KRT23: variants seen among roughly 807,000 people sequenced by gnomAD.
KRT23 encodes keratin, type I cytoskeletal 23.
In KRT23, 38 loss-of-function variants were observed where a neutral mutation model predicts 47.6. That is an observed-to-expected ratio of 0.80 (90% CI 0.62 to 1.05). The LOEUF is 1.05. Ranked by LOEUF, KRT23 falls within the 50% of genes least tolerant of loss-of-function variation. The pLI, the probability that KRT23 is intolerant of heterozygous loss-of-function variation, is 0.00. For synonymous variants in KRT23, 191 were observed against 199.0 expected, an observed-to-expected ratio of 0.96 and a Z score of 0.34; for missense variants, 503 against 529.5, an observed-to-expected ratio of 0.95 and a Z score of 0.49.
rs201362244 is a variant in KRT23, at chr17:40,924,498, C to T, written c.1148G>A (p.Arg383Gln). The change falls in exon 8 of 9, where the codon CGG becomes CAG. Residue 383 changes from arginine to glutamine, a missense_variant. By Grantham distance (43) the Arg-to-Gln change is conservative. Transcript: ENST00000209718. ...TTTCATGCTCGACTTTGATTCTTCC[C>T]GTGTCCTATAAAAGTGATAAAGGTT... ...RLLEGESEGT[R>Q]EESKSSMKVS... 1.6e-5 allele frequency: 25 copies of T among 1,612,908 alleles called. No individual in the cohort carries two copies. Among genetic ancestry groups the T allele is most frequent in the Admixed American group, 8.3e-5 (5 of 59,982 alleles).
chr17:40,928,104 TA>T (rs1351085725), intron 6 of KRT23, 133 bp downstream of exon 6: 15 of 1,137,840 alleles, frequency 1.3e-5, no homozygotes, highest in Non-Finnish European at 1.8e-5. Flanking sequence ...GTTCTCATCA[TA>T]AACAATTTGG....
rs772132633 is a variant in KRT23 at position 40,936,214 on chromosome 17, C to T, written c.390G>A (p.Gln130=). 6.2e-7 allele frequency: 1 copy of T among 1,614,126 alleles called. No individual in the cohort carries two copies. The highest frequency in any genetic ancestry group is 2.2e-5 in the East Asian group (1 of 44,874). The change falls in exon 2 of 9, where the codon CAG becomes CAA. Residue 130 remains glutamine (Q), a synonymous_variant. Coordinates refer to ENST00000209718, the MANE Select transcript of KRT23 (RefSeq NM_015515.5). Reference sequence around the variant, plus strand: ...GGGTCACCCAGCATCTTACCTGCTCCTGCAGGTGTGTGATGTTTTCCTCAT... The same window carrying T: ...GGGTCACCCAGCATCTTACCTGCTCTTGCAGGTGTGTGATGTTTTCCTCAT... ...SQYEENITHL[Q]EQIVDGKMTN... is the part of the protein sequence containing the mutation.
At position 40,922,985 on chromosome 17, in the gene KRT23, G is replaced by T; in HGVS notation, c.*4C>A. The T allele has an allele frequency of 6.2e-7, 1 of 1,606,940 alleles. No individual in the cohort carries two copies. The highest frequency in any genetic ancestry group is 8.5e-7 in the Non-Finnish European group (1 of 1,173,566). On this transcript the variant is annotated 3_prime_UTR_variant, in exon 9 of 9. Coordinates refer to ENST00000209718, the MANE Select transcript of KRT23 (RefSeq NM_015515.5). ...TTTACAACAGGCGGAAACTTTCATT[G>T]GTCTCATGCGTGCTTTTGGATTTCA...
intron 2 of KRT23, among the ~76,000 whole-genome samples, chr17:40,932,972 G>A (rs71371458): frequency 0.015 from 2,224 of 152,234 alleles, 55 homozygotes; most frequent in African/African-American, 0.051. Flanking sequence ...AATAACAATA[G>A]TTACTTCATC....
In KRT23 at chr17:40,922,961, T is replaced by C; in HGVS notation, c.*28A>G. On this transcript the variant is annotated 3_prime_UTR_variant, in exon 9 of 9. Coordinates refer to ENST00000209718, the MANE Select transcript of KRT23 (RefSeq NM_015515.5). ...GACTTTCCTTGGGGGAAAATAGATT[T>C]TACAACAGGCGGAAACTTTCATTGG... 1 of 1,549,236 alleles carries C rather than the reference T, an allele frequency of 6.5e-7. No individual in the cohort carries two copies. The highest frequency in any genetic ancestry group is 8.9e-7 in the Non-Finnish European group (1 of 1,121,028).
intron 4 of KRT23, among the ~76,000 whole-genome samples, chr17:40,929,423 T>C (rs1909487720): frequency 6.6e-6 from 1 of 152,244 alleles, no homozygotes; most frequent in African/African-American, 2.4e-5. Context: ...TGAGAAGCAA[T>C]TTTGTTTTCC....
intron 4 of KRT23, 93 bp from the exon 5 acceptor site, chr17:40,928,700 A>G (rs1909409463): frequency 8.4e-7 from 1 of 1,188,680 alleles, no homozygotes; most frequent in Non-Finnish European, 1.2e-6. Flanking sequence ...GATCTTTTAA[A>G]CATTCCGATT....
In KRT23 at chr17:40,936,205, T is replaced by G. The variant is rs779922539; in HGVS notation, c.396+3A>C. 9 of 1,614,040 alleles carry G rather than the reference T, an allele frequency of 5.6e-6. No individual in the cohort carries two copies. In the Admixed American group the frequency reaches 1.5e-4, roughly 27 times the overall value. Reference sequence around the variant, plus strand: ...GGATCTCCAGGGTCACCCAGCATCTTACCTGCTCCTGCAGGTGTGTGATGT... The same window carrying G: ...GGATCTCCAGGGTCACCCAGCATCTGACCTGCTCCTGCAGGTGTGTGATGT... On this transcript the variant is annotated splice_donor_region_variant and intron_variant, in intron 2 of 8. Coordinates refer to ENST00000209718, the MANE Select transcript of KRT23 (RefSeq NM_015515.5).
At chr17:40,935,669 G>A (rs1407533091) in intron 2 of KRT23, among the ~76,000 whole-genome samples, 1 of 152,172 alleles carries the variant, frequency 6.6e-6, no homozygotes, top group African/African-American at 2.4e-5. Context: ...CCTATATGCT[G>A]GTGTGGTGAC....
At chr17:40,927,569 A>G (rs553661137) in intron 6 of KRT23, among the ~76,000 whole-genome samples, 13 of 152,168 alleles carry the variant, frequency 8.5e-5, no homozygotes, top group Admixed American at 2.0e-4. Flanking sequence ...AGAAGACTCA[A>G]TAGGGTATAC....
intron 8 of KRT23, among the ~76,000 whole-genome samples, chr17:40,923,837 G>A (rs895294288): frequency 6.6e-6 from 1 of 152,190 alleles, no homozygotes; most frequent in African/African-American, 2.4e-5. Flanking sequence ...ATCAGAAAGT[G>A]CCACTTGTCC....
At chr17:40,925,670 C>A in intron 6 of KRT23, 96 bp from the exon 7 acceptor site, 2 of 920,924 alleles carry the variant, frequency 2.2e-6, no homozygotes, top group East Asian at 2.6e-5. Flanking sequence ...GACCAGTTGG[C>A]TAGGTGTCTT....
At chr17:40,923,633 G>A (rs1383773269) in intron 8 of KRT23, among the ~76,000 whole-genome samples, 2 of 152,196 alleles carry the variant, frequency 1.3e-5, no homozygotes, top group Non-Finnish European at 2.9e-5. Flanking sequence ...GGAGAATTTT[G>A]TTAAATTAAA....
intron 4 of KRT23, 74 bp downstream of exon 4, chr17:40,929,866 G>C (rs1346836324): frequency 7.2e-7 from 1 of 1,389,214 alleles, no homozygotes. Flanking sequence ...GGTTTCTTCT[G>C]TAGCTGTCGA....
intron 2 of KRT23, among the ~76,000 whole-genome samples, chr17:40,934,290 C>T (rs972555245): frequency 6.6e-6 from 1 of 152,092 alleles, no homozygotes; most frequent in Admixed American, 6.6e-5. Flanking sequence ...TTTCTTTCTT[C>T]AAGTGTAGAG....
Position 40,922,982 on chromosome 17 carries a change from A to G in KRT23, c.*7T>C. ...GATTTTACAACAGGCGGAAACTTTCATTGGTCTCATGCGTGCTTTTGGATT... is the reference window on the plus strand; with the variant it reads ...GATTTTACAACAGGCGGAAACTTTCGTTGGTCTCATGCGTGCTTTTGGATT... On this transcript the variant is annotated 3_prime_UTR_variant, in exon 9 of 9. Coordinates refer to ENST00000209718, the MANE Select transcript of KRT23 (RefSeq NM_015515.5). 1 of 1,606,402 alleles carries G rather than the reference A, an allele frequency of 6.2e-7. No individual in the cohort carries two copies. Among genetic ancestry groups the G allele is most frequent in the Non-Finnish European group, 8.5e-7 (1 of 1,173,108 alleles).
rs1188771998 is a variant in KRT23, at chr17:40,936,804, C to T, written c.-201G>A. On this transcript the variant is annotated 5_prime_UTR_variant, in exon 2 of 9. Transcript: ENST00000209718. Reference sequence around the variant, plus strand: ...ATCCCAAAGTGCCCCTGGGCCTTCGCACACTGTTGTTGTTTAGAGCCACAT... The same window carrying T: ...ATCCCAAAGTGCCCCTGGGCCTTCGTACACTGTTGTTGTTTAGAGCCACAT... 2 of 446,714 alleles carry T rather than the reference C, an allele frequency of 4.5e-6. No individual in the cohort carries two copies. The highest frequency in any genetic ancestry group is 2.0e-5 in the African/African-American group (1 of 49,252). The allele number at this position is 446,714 out of a possible 1,614,324, so 27.7% of individuals were successfully genotyped here. A position where few individuals can be genotyped will look rare whatever the true frequency, so the allele number is the denominator to read the frequency against.
At chr17:40,923,206 C>T (rs928944458) in intron 8 of KRT23, 123 bp from the exon 9 acceptor site, 2 of 695,490 alleles carry the variant, frequency 2.9e-6, no homozygotes, top group Non-Finnish European at 5.0e-6. Flanking sequence ...GATCACTAAG[C>T]AATGAGGTGG....
At chr17:40,924,573 C>T in intron 7 of KRT23, 70 bp from the exon 8 acceptor site, 5 of 1,221,534 alleles carry the variant, frequency 4.1e-6, no homozygotes, top group Non-Finnish European at 6.0e-6. Flanking sequence ...TCAGGATGAA[C>T]TAACTTCCTT....
Sources: gnomAD v4.1 joint callset for allele counts (sites outside exome capture counted in the v4.1 genomes callset) on GRCh38, gnomAD v4.1.1 for gene constraint, MANE v1.5 for transcripts, NCBI Gene and HGNC (gene_info 2026-07-23, HGNC 2026-07-21) for gene names.